The following IL1RAPL2 variants were observed in gnomAD, a reference collection of about 807,000 sequenced individuals.
IL1RAPL2 encodes the protein interleukin 1 receptor accessory protein like 2.
IL1RAPL2 carries 3 observed loss-of-function variants against 44.1 expected under a neutral mutation model. The observed-to-expected ratio is 0.07, with a 90% CI of 0.03 to 0.18. The LOEUF is 0.18. IL1RAPL2 is among the 10% of genes least tolerant of loss of function. The pLI is 1.00. For missense variants in IL1RAPL2, 391 were observed against 496.4 expected, an observed-to-expected ratio of 0.79 and a Z score of 2.02; for synonymous variants, 181 against 178.8, an observed-to-expected ratio of 1.01 and a Z score of -0.10.
intron 5 of IL1RAPL2, among the ~76,000 whole-genome samples, chrX:105,483,061 T>A (rs1243685992): frequency 1.9e-5 from 2 of 106,617 alleles, no homozygotes; most frequent in Non-Finnish European, 3.9e-5. Flanking sequence ...AAAAAAAAAA[T>A]TCCCCAAACT....
At chrX:104,931,927 C>A (rs1305438188) in intron 2 of IL1RAPL2, among the ~76,000 whole-genome samples, 5 of 106,215 alleles carry the variant, frequency 4.7e-5, no homozygotes, top group African/African-American at 1.7e-4. Context: ...CACAGACTCA[C>A]AGATATGTGG....
intron 2 of IL1RAPL2, among the ~76,000 whole-genome samples, chrX:104,844,928 T>A (rs1922012383): frequency 8.9e-6 from 1 of 112,034 alleles, no homozygotes; most frequent in South Asian, 3.7e-4. Context: ...GCTTTTGCAT[T>A]TCCTATTTGT....
intron 6 of IL1RAPL2, among the ~76,000 whole-genome samples, chrX:105,697,827 G>GA (rs763566448): frequency 8.9e-6 from 1 of 111,846 alleles, no homozygotes; most frequent in Non-Finnish European, 1.9e-5. Context: ...AAGCATTAGT[G>GA]AATTAGTAGC....
chrX:105,311,250 G>C (rs1035765755), intron 5 of IL1RAPL2, among the ~76,000 whole-genome samples: 1 of 110,520 alleles, frequency 9.0e-6, no homozygotes, highest in African/African-American at 3.3e-5. Context: ...GACAATTGTA[G>C]CCTTTTAATT....
rs1357270474 is a variant in IL1RAPL2 at position 105,268,759 on chromosome X, C to T, written c.697+1218C>T. Among the ~76,000 whole-genome samples, 2 of 110,420 alleles carry T rather than the reference C, an allele frequency of 1.8e-5. 1 individual carries two copies. Among genetic ancestry groups the T allele is most frequent in the East Asian group, 5.7e-4 (2 of 3,500 alleles). On this transcript the variant is annotated intron_variant, in intron 5 of 10. Transcript: ENST00000372582. ...CTCCAGCCTAGGCAACAGAGCAAGA[C>T]TCTGTCTCAAAAATGAAAAATAAAT...
At chrX:104,683,346 T>C (rs1302572956) in intron 2 of IL1RAPL2, among the ~76,000 whole-genome samples, 1 of 111,566 alleles carries the variant, frequency 9.0e-6, no homozygotes, top group African/African-American at 3.3e-5. Context: ...CTTAGCATTC[T>C]CATGAAAAAA....
chrX:104,633,281 G>A (rs369004443), intron 1 of IL1RAPL2, among the ~76,000 whole-genome samples: 1 of 111,638 alleles, frequency 9.0e-6, no homozygotes, highest in Non-Finnish European at 1.9e-5. Context: ...ATGTTCATCA[G>A]GGATATTGGT....
At chrX:104,753,271 A>G (rs769686586) in intron 2 of IL1RAPL2, among the ~76,000 whole-genome samples, 1 of 108,782 alleles carries the variant, frequency 9.2e-6, no homozygotes, top group East Asian at 2.9e-4. Flanking sequence ...GAAAGATCAG[A>G]AGAAACAATC....
At chrX:104,856,396 A>G (rs183867619) in intron 2 of IL1RAPL2, among the ~76,000 whole-genome samples, 73 of 112,216 alleles carry the variant, frequency 6.5e-4, no homozygotes, top group African/African-American at 2.2e-3. Context: ...TAACAACAGG[A>G]AAATGAATCG....
At chrX:105,526,697 C>G (rs763180992) in intron 6 of IL1RAPL2, among the ~76,000 whole-genome samples, 3 of 111,407 alleles carry the variant, frequency 2.7e-5, no homozygotes, top group Non-Finnish European at 5.7e-5. Context: ...TACTCTTTGC[C>G]AGGCTCTAAA....
At chrX:104,689,967 T>C (rs1931062535) in intron 2 of IL1RAPL2, among the ~76,000 whole-genome samples, 1 of 112,472 alleles carries the variant, frequency 8.9e-6, no homozygotes, top group Non-Finnish European at 1.9e-5. Context: ...TTTGGTACAT[T>C]TATTTATGAG....
intron 1 of IL1RAPL2, among the ~76,000 whole-genome samples, chrX:104,636,812 C>A (rs979849070): frequency 8.9e-6 from 1 of 112,255 alleles, no homozygotes; most frequent in African/African-American, 3.2e-5. Flanking sequence ...ATGCCTCGCC[C>A]TGCTTTGGCT....
chrX:104,640,893 G>A (rs1383392969), intron 1 of IL1RAPL2, among the ~76,000 whole-genome samples: 1 of 112,437 alleles, frequency 8.9e-6, no homozygotes, highest in Admixed American at 9.4e-5. Context: ...GCAGTGGCAG[G>A]CCAAGTATGC....
At chrX:105,673,755 C>T (rs2037844185) in intron 6 of IL1RAPL2, among the ~76,000 whole-genome samples, 1 of 112,071 alleles carries the variant, frequency 8.9e-6, no homozygotes, top group African/African-American at 3.2e-5. Flanking sequence ...CCGTCTTCCA[C>T]AATGGTTGAA....
intron 4 of IL1RAPL2, among the ~76,000 whole-genome samples, chrX:105,264,818 T>G (rs2034389529): frequency 9.0e-6 from 1 of 111,037 alleles, no homozygotes; most frequent in Non-Finnish European, 1.9e-5. Context: ...AAAGCCAGTT[T>G]GCCTTTTCAT....
intron 2 of IL1RAPL2, among the ~76,000 whole-genome samples, chrX:105,075,785 C>T (rs904032118): frequency 8.1e-5 from 9 of 111,456 alleles, no homozygotes; most frequent in East Asian, 2.8e-4. Flanking sequence ...GTGTATGTGT[C>T]GAGGAATTTA....
chrX:105,446,379 C>A (rs1448158296), intron 5 of IL1RAPL2, among the ~76,000 whole-genome samples: 1 of 110,506 alleles, frequency 9.0e-6, no homozygotes, highest in Non-Finnish European at 1.9e-5. Context: ...GAGTTTAATC[C>A]ACCTACATAC....
At chrX:105,318,504 A>G (rs1168435874) in intron 5 of IL1RAPL2, among the ~76,000 whole-genome samples, 1 of 111,726 alleles carries the variant, frequency 9.0e-6, no homozygotes, top group Non-Finnish European at 1.9e-5. Flanking sequence ...AGAGAAAAAT[A>G]TAAGAAGTAG....
At chrX:105,271,251 T>G (rs950632222) in intron 5 of IL1RAPL2, among the ~76,000 whole-genome samples, 2 of 111,981 alleles carry the variant, frequency 1.8e-5, no homozygotes, top group Admixed American at 1.9e-4. Flanking sequence ...AGCAGACTTT[T>G]GTTATATTAT....
Sources: allele counts gnomAD v4.1 joint callset (sites outside exome capture counted in the v4.1 genomes callset), GRCh38; gene constraint gnomAD v4.1.1; transcripts MANE v1.5; gene names NCBI Gene and HGNC (gene_info 2026-07-23, HGNC 2026-07-21).